The following SRGAP3 variants were observed in gnomAD, a reference collection of about 807,000 sequenced individuals.
SRGAP3 encodes the protein SLIT-ROBO Rho GTPase-activating protein 3.
SRGAP3 carries 39 observed loss-of-function variants against 121.1 expected under a neutral mutation model. The observed-to-expected ratio is 0.32, with a 90% CI of 0.25 to 0.42. The LOEUF is 0.42. Among genes scored for constraint, SRGAP3 ranks in the 10% least tolerant of loss-of-function variants. SRGAP3 has a pLI of 1.00. For synonymous variants in SRGAP3, 601 were observed against 570.0 expected (o/e 1.05, Z -0.77); for missense variants, 1,213 against 1,470.6 (o/e 0.82, Z 2.86).
intron 1 of SRGAP3, among the ~76,000 whole-genome samples, chr3:9,192,137 G>A (rs1244298234): frequency 6.6e-6 from 1 of 152,196 alleles, no homozygotes; most frequent in East Asian, 1.9e-4. Flanking sequence ...GCAATAAAAG[G>A]TTAACTCCAC....
At chr3:9,352,162 T>G (rs1350369436) in intron 1 of SRGAP3, among the ~76,000 whole-genome samples, 1 of 152,136 alleles carries the variant, frequency 6.6e-6, no homozygotes, top group Non-Finnish European at 1.5e-5. Context: ...CTTTCCACCC[T>G]GCTTAGAGCC....
At chr3:9,343,326 T>C (rs1476448732) in intron 1 of SRGAP3, among the ~76,000 whole-genome samples, 1 of 152,202 alleles carries the variant, frequency 6.6e-6, no homozygotes, top group Non-Finnish European at 1.5e-5. Context: ...CGTAGGGCTG[T>C]TGAATATGTC....
At chr3:9,344,265 G>C (rs1366728224) in intron 1 of SRGAP3, among the ~76,000 whole-genome samples, 1 of 152,194 alleles carries the variant, frequency 6.6e-6, no homozygotes. Flanking sequence ...GATCAGCCTG[G>C]CCAACATGGT....
chr3:9,198,262 C>T (rs1479999515), intron 1 of SRGAP3, among the ~76,000 whole-genome samples: 4 of 152,200 alleles, frequency 2.6e-5, no homozygotes, highest in Non-Finnish European at 5.9e-5. Context: ...CTACATGTCT[C>T]GGGCAACCAG....
At chr3:9,130,785 G>T (rs188058583) in intron 1 of SRGAP3, among the ~76,000 whole-genome samples, 1 of 152,348 alleles carries the variant, frequency 6.6e-6, no homozygotes, top group African/African-American at 2.4e-5. Context: ...TATTAGAAAA[G>T]CTGCAGCCAC....
chr3:9,150,736 C>T (rs1950183929), intron 1 of SRGAP3, among the ~76,000 whole-genome samples: 1 of 152,166 alleles, frequency 6.6e-6, no homozygotes, highest in Non-Finnish European at 1.5e-5. Context: ...TATGCTCCGC[C>T]TCTATGAAGG....
intron 1 of SRGAP3, among the ~76,000 whole-genome samples, chr3:9,142,374 A>C (rs772245239): frequency 6.6e-6 from 1 of 152,206 alleles, no homozygotes; most frequent in Admixed American, 6.5e-5. Context: ...GAAAAAGCTT[A>C]TATCTCCCTT....
chr3:9,213,700 G>A (rs1049698923), intron 1 of SRGAP3, among the ~76,000 whole-genome samples: 5 of 152,114 alleles, frequency 3.3e-5, no homozygotes, highest in Non-Finnish European at 5.9e-5. Flanking sequence ...AATAAAATAC[G>A]AACTCTTAAC....
intron 1 of SRGAP3, among the ~76,000 whole-genome samples, chr3:9,232,487 A>G (rs879321358): frequency 3.9e-5 from 6 of 152,204 alleles, no homozygotes; most frequent in African/African-American, 7.2e-5. Context: ...ATCTAAATAT[A>G]TAAGGACATA....
intron 1 of SRGAP3, among the ~76,000 whole-genome samples, chr3:9,356,137 A>T (rs1403038731): frequency 2.0e-5 from 3 of 151,508 alleles, no homozygotes; most frequent in Non-Finnish European, 4.4e-5. Context: ...GGTGAACAAC[A>T]TGGGATAGAG....
intron 12 of SRGAP3, among the ~76,000 whole-genome samples, chr3:9,030,021 G>T (rs1446206984): frequency 6.6e-6 from 1 of 152,030 alleles, no homozygotes; most frequent in Non-Finnish European, 1.5e-5. Flanking sequence ...GCATGGTGGT[G>T]CATGCGTATA....
chr3:9,213,361 A>C (rs868646958), intron 1 of SRGAP3, among the ~76,000 whole-genome samples: 2 of 151,430 alleles, frequency 1.3e-5, no homozygotes, highest in African/African-American at 4.9e-5. Flanking sequence ...GCCCCTGCCC[A>C]CTTCCTCAAC....
At chr3:9,026,790 A>G in intron 13 of SRGAP3, 145 bp downstream of exon 13, 1 of 862,600 alleles carries the variant, frequency 1.2e-6, no homozygotes, top group East Asian at 2.5e-5. Flanking sequence ...TCAGAAGAGC[A>G]GCTGCTGTGT....
chr3:9,168,990 T>G (rs1950886945), intron 1 of SRGAP3, among the ~76,000 whole-genome samples: 3 of 152,238 alleles, frequency 2.0e-5, no homozygotes, highest in African/African-American at 7.2e-5. Context: ...GAGCAAGATT[T>G]CAGACTCAAC....
At chr3:9,068,408 C>A (rs1016579865) in intron 4 of SRGAP3, among the ~76,000 whole-genome samples, 5 of 152,134 alleles carry the variant, frequency 3.3e-5, no homozygotes, top group Non-Finnish European at 7.4e-5. Flanking sequence ...ACTCTTCCTG[C>A]CCTCCGACAG....
At chr3:9,259,910 C>T (rs1469874330) in intron 3 of SRGAP3, among the ~76,000 whole-genome samples, 2 of 151,826 alleles carry the variant, frequency 1.3e-5, no homozygotes, top group Admixed American at 6.6e-5. Context: ...CCAGCGAGAC[C>T]AAGAAGACGG....
chr3:9,175,076 A>G (rs1418244531), intron 1 of SRGAP3, among the ~76,000 whole-genome samples: 1 of 152,154 alleles, frequency 6.6e-6, no homozygotes, highest in Admixed American at 6.5e-5. Flanking sequence ...ATGCTTAGGA[A>G]CACAGGCCCT....
At position 9,262,534 on chromosome 3, in the gene SRGAP3, C is replaced by CAAAAAAAAAAAAAAAAAAAAAAAAA. The variant is rs765408588; in HGVS notation, n.442+63475_442+63476insTTTTTTTTTTTTTTTTTTTTTTTTT. Among the ~76,000 whole-genome samples the CAAAAAAAAAAAAAAAAAAAAAAAAA allele has an allele frequency of 1.6e-4, 4 of 25,566 alleles. 2 individuals carry two copies. The highest frequency in any genetic ancestry group is 1.5e-4 in the Non-Finnish European group (2 of 13,268). 16.8% of individuals were successfully genotyped at this position (25,566 alleles called of 152,430 possible). The stretch of plus-strand genomic sequence containing the variant: ...GAAGATTTACCAAGCAAATGGAAAG[C>CAAAAAAAAAAAAAAAAAAAAAAAAA]AAAAAAAAAAAAAAAAAAAAAAGCA... On this transcript the variant is annotated intron_variant and non_coding_transcript_variant, in intron 3 of 3. Transcript: ENST00000490889.
chr3:9,141,602 G>GTA (rs1949855588), intron 1 of SRGAP3, among the ~76,000 whole-genome samples: 6 of 123,730 alleles, frequency 4.8e-5, no homozygotes, highest in South Asian at 2.7e-4. Context: ...GTGTGTGTGT[G>GTA]TTCTTTTCTT....
Sources: gnomAD v4.1 joint callset for allele counts (sites outside exome capture counted in the v4.1 genomes callset) on GRCh38, gnomAD v4.1.1 for gene constraint, MANE v1.5 for transcripts, NCBI Gene and HGNC (gene_info 2026-07-23, HGNC 2026-07-21) for gene names.